Variants in NRG3 observed in about 807,000 individuals in gnomAD.
NRG3 encodes the protein pro-neuregulin-3, membrane-bound isoform.
Under a neutral mutation model 66.9 loss-of-function variants are expected in NRG3, and 31 were observed. The observed-to-expected ratio is 0.46, with a 90% CI of 0.35 to 0.63. The LOEUF (loss-of-function observed/expected upper bound fraction) is 0.63, where lower values mean the gene tolerates loss of function less well. NRG3 is among the 20% of genes least tolerant of loss of function. The probability of loss-of-function intolerance (pLI) is 0.00; values close to 1 mark genes in which losing one functional copy is unlikely to be tolerated. For synonymous variants in NRG3, 393 were observed against 359.4 expected (o/e 1.09, Z -1.06); for missense variants, 910 against 878.9 (o/e 1.04, Z -0.45).
intron 2 of NRG3, among the ~76,000 whole-genome samples, chr10:82,450,169 T>C (rs752593151): frequency 1.8e-4 from 27 of 152,220 alleles, no homozygotes; most frequent in Non-Finnish European, 1.6e-4. Context: ...TCATAAATCC[T>C]GCAGTGAAGA....
intron 2 of NRG3, among the ~76,000 whole-genome samples, chr10:82,440,937 G>T (rs985301109): frequency 6.6e-6 from 1 of 152,122 alleles, no homozygotes; most frequent in African/African-American, 2.4e-5. Context: ...ATTGTTTGCT[G>T]ACTCAGCTTA....
At chr10:81,919,455 G>A (rs1305773413) in intron 1 of NRG3, among the ~76,000 whole-genome samples, 1 of 152,080 alleles carries the variant, frequency 6.6e-6, no homozygotes, top group Non-Finnish European at 1.5e-5. Flanking sequence ...AGAGATTACA[G>A]CATGTATTAT....
Position 81,903,649 on chromosome 10 carries a change from C to T in NRG3, c.823+27486C>T, listed in dbSNP as rs1417795218. ...ATGGTTTCGAACACTCCAGTGAACC[C>T]ATCTGGAGAGTTTCAGCCACCAGGG... On this transcript the variant is annotated intron_variant, in intron 1 of 8. Transcript: ENST00000372141. 7.9e-5 allele frequency among the ~76,000 whole-genome samples: 12 copies of T among 152,258 alleles called. No individual in the cohort carries two copies. In the East Asian group the frequency reaches 2.3e-3, roughly 29 times the overall value.
chr10:82,518,113 T>C (rs1365065233), intron 2 of NRG3, among the ~76,000 whole-genome samples: 2 of 152,184 alleles, frequency 1.3e-5, no homozygotes, highest in African/African-American at 4.8e-5. Context: ...TTTCTTAAAC[T>C]TTACTAGCCT....
At chr10:82,861,857 G>C (rs2064146056) in intron 3 of NRG3, among the ~76,000 whole-genome samples, 1 of 152,098 alleles carries the variant, frequency 6.6e-6, no homozygotes, top group Admixed American at 6.5e-5. Flanking sequence ...TTTCCTTCCT[G>C]CAACCTCCTC....
intron 1 of NRG3, among the ~76,000 whole-genome samples, chr10:82,116,325 G>A (rs894396718): frequency 2.6e-5 from 4 of 152,052 alleles, no homozygotes; most frequent in Admixed American, 1.3e-4. Flanking sequence ...AATTAAAGGC[G>A]ACTGAAATAT....
At chr10:82,783,744 G>C (rs542237959) in intron 3 of NRG3, among the ~76,000 whole-genome samples, 1 of 152,240 alleles carries the variant, frequency 6.6e-6, no homozygotes, top group African/African-American at 2.4e-5. Context: ...CATGCTCGTG[G>C]GTAGGAAGAA....
intron 4 of NRG3, among the ~76,000 whole-genome samples, chr10:82,883,942 G>GT (rs545422416): frequency 0.043 from 6,160 of 142,764 alleles, 127 homozygotes; most frequent in Middle Eastern, 0.089. Context: ...TTTTGCTATA[G>GT]TTTTTTTTTT....
At chr10:82,503,750 C>G (rs1356625116) in intron 2 of NRG3, among the ~76,000 whole-genome samples, 1 of 152,178 alleles carries the variant, frequency 6.6e-6, no homozygotes, top group Non-Finnish European at 1.5e-5. Flanking sequence ...AAACCCAGTA[C>G]TAAACATTTA....
intron 1 of NRG3, among the ~76,000 whole-genome samples, chr10:82,062,050 G>C (rs1402366983): frequency 1.3e-5 from 2 of 152,122 alleles, no homozygotes; most frequent in African/African-American, 4.8e-5. Flanking sequence ...TCCAAAGATA[G>C]CTTTGGGTTG....
chr10:82,365,575 A>C (rs1208058929), intron 2 of NRG3, among the ~76,000 whole-genome samples: 1 of 152,192 alleles, frequency 6.6e-6, no homozygotes, highest in Non-Finnish European at 1.5e-5. Flanking sequence ...AAGCAAACCA[A>C]CAACACAATG....
At chr10:82,050,869 C>A (rs1473208637) in intron 1 of NRG3, among the ~76,000 whole-genome samples, 1 of 123,004 alleles carries the variant, frequency 8.1e-6, no homozygotes, top group Non-Finnish European at 1.9e-5. Context: ...CATCTTTACC[C>A]TGGTCATTTC....
intron 4 of NRG3, among the ~76,000 whole-genome samples, chr10:82,947,511 T>C (rs1001815052): frequency 6.6e-6 from 1 of 152,138 alleles, no homozygotes; most frequent in Non-Finnish European, 1.5e-5. Context: ...TCTGTGAAGC[T>C]ACTATTGGAA....
intron 2 of NRG3, among the ~76,000 whole-genome samples, chr10:82,516,785 G>C (rs186233175): frequency 6.6e-6 from 1 of 152,134 alleles, no homozygotes; most frequent in East Asian, 1.9e-4. Context: ...AAATCAGGAA[G>C]TAAGAGTTAT....
At chr10:82,740,174 T>C (rs2058353307) in intron 3 of NRG3, among the ~76,000 whole-genome samples, 1 of 150,090 alleles carries the variant, frequency 6.7e-6, no homozygotes, top group Non-Finnish European at 1.5e-5. Flanking sequence ...CTCTTTCCCT[T>C]TCCCCCTTTC....
intron 1 of NRG3, among the ~76,000 whole-genome samples, chr10:82,353,342 G>A (rs1047460611): frequency 5.3e-5 from 8 of 152,116 alleles, no homozygotes; most frequent in African/African-American, 1.7e-4. Flanking sequence ...AGTAGTTAAG[G>A]AAGAAACCAG....
chr10:81,984,405 G>C (rs570009793), intron 1 of NRG3, among the ~76,000 whole-genome samples: 33 of 152,156 alleles, frequency 2.2e-4, no homozygotes, highest in African/African-American at 7.9e-4. Flanking sequence ...TTCCGTATTT[G>C]CATCATGCTC....
At chr10:82,295,917 C>CAAAA (rs1163340573) in intron 1 of NRG3, among the ~76,000 whole-genome samples, 1 of 121,456 alleles carries the variant, frequency 8.2e-6, no homozygotes, top group Non-Finnish European at 1.7e-5. Context: ...CAAAAAAAAC[C>CAAAA]CCTATTTTAG....
At chr10:82,072,509 A>G (rs941917544) in intron 1 of NRG3, among the ~76,000 whole-genome samples, 5 of 152,202 alleles carry the variant, frequency 3.3e-5, no homozygotes, top group Admixed American at 6.5e-5. Flanking sequence ...ATTTGTTTTC[A>G]TATATATTTA....
Sources: gnomAD v4.1 joint callset for allele counts (sites outside exome capture counted in the v4.1 genomes callset) on GRCh38, gnomAD v4.1.1 for gene constraint, MANE v1.5 for transcripts, NCBI Gene and HGNC (gene_info 2026-07-23, HGNC 2026-07-21) for gene names.